Variants in ZCCHC7 observed in about 807,000 individuals in gnomAD.
ZCCHC7 encodes the protein zinc finger CCHC domain-containing protein 7.
ZCCHC7 carries 35 observed loss-of-function variants against 52.0 expected under a neutral mutation model. That is an observed-to-expected ratio of 0.67 (90% CI 0.51 to 0.89). The LOEUF is 0.89. Ranked by LOEUF, ZCCHC7 falls within the 40% of genes least tolerant of loss-of-function variation. ZCCHC7 has a pLI of 0.00. For synonymous variants in ZCCHC7, 217 were observed against 221.5 expected (o/e 0.98, Z 0.18); for missense variants, 574 against 649.1 (o/e 0.88, Z 1.26).
intron 2 of ZCCHC7, among the ~76,000 whole-genome samples, chr9:37,202,887 G>A (rs1564175906): frequency 6.6e-6 from 1 of 152,228 alleles, no homozygotes; most frequent in Non-Finnish European, 1.5e-5. Flanking sequence ...TTTTAGGAAA[G>A]TAACTTGTTT....
chr9:37,311,149 A>G (rs1829582293), intron 5 of ZCCHC7, among the ~76,000 whole-genome samples: 1 of 152,122 alleles, frequency 6.6e-6, no homozygotes. Context: ...ACTGCTCACA[A>G]GAGACCATTG....
At chr9:37,254,241 A>G (rs1398031501) in intron 2 of ZCCHC7, among the ~76,000 whole-genome samples, 3 of 152,088 alleles carry the variant, frequency 2.0e-5, no homozygotes. Flanking sequence ...ACCAACTAAC[A>G]TACTTAAGAG....
chr9:37,340,484 G>A lies in ZCCHC7; in HGVS notation c.988-8873G>A, dbSNP rs548459438. Among the ~76,000 whole-genome samples the A allele has an allele frequency of 3.3e-5, 5 of 151,438 alleles. No homozygotes were observed. The South Asian group carries it at 1.0e-3, about 32-fold the overall frequency. On this transcript the variant is annotated intron_variant, in intron 6 of 8. Coordinates refer to ENST00000336755, the MANE Select transcript of ZCCHC7 (RefSeq NM_032226.3). The stretch of plus-strand genomic sequence containing the variant: ...GGTATCCGTTGGGTCAAAGTCTTTA[G>A]ATGAAATTTTGACTTAAAAAAGTTC...
intron 5 of ZCCHC7, among the ~76,000 whole-genome samples, chr9:37,323,824 T>C (rs183838465): frequency 9.7e-4 from 148 of 152,270 alleles, no homozygotes; most frequent in Middle Eastern, 3.4e-3. Context: ...GATACAAAAA[T>C]ATTTTGTGTA....
At chr9:37,168,317 T>A (rs932505089) in intron 2 of ZCCHC7, among the ~76,000 whole-genome samples, 1 of 152,214 alleles carries the variant, frequency 6.6e-6, no homozygotes, top group African/African-American at 2.4e-5. Flanking sequence ...GGAAATCTGA[T>A]CCCTGTTAAT....
intron 2 of ZCCHC7, chr9:37,284,325 A>C (rs1828110601): frequency 6.6e-6 from 1 of 152,206 alleles, no homozygotes; most frequent in South Asian, 2.1e-4. Context: ...GTACACAAAA[A>C]CAGGTAGAAA....
chr9:37,304,207 G>T lies in ZCCHC7; in HGVS notation c.674G>T (p.Arg225Leu), dbSNP rs761303878. 5.0e-6 allele frequency: 8 copies of T among 1,609,758 alleles called. No homozygotes were observed. Among genetic ancestry groups the T allele is most frequent in the Non-Finnish European group, 8.5e-7 (1 of 1,178,396 alleles). ...CCTTAGGCCCAGATAGCTAATAACCGAACACCTGGAAGATGGACCCAGCGG... is the reference window on the plus strand; with the variant it reads ...CCTTAGGCCCAGATAGCTAATAACCTAACACCTGGAAGATGGACCCAGCGG... ...KDIEAQIANN[R>L]TPGRWTQRYY... is the part of the protein sequence containing the mutation. The change falls in exon 4 of 9, where the codon CGA (arginine) becomes CTA (leucine). Residue 225 changes from arginine (R) to leucine (L), a missense_variant. Arg to Leu is a moderately radical substitution (Grantham distance 102). Around this residue, in one of 3 missense-constraint regions of ZCCHC7, gnomAD observed 403 missense variants for 461.2 expected, o/e 0.87. Transcript: ENST00000336755.
chr9:37,148,154 TCAGAGA>T (rs1843524303), intron 2 of ZCCHC7, among the ~76,000 whole-genome samples: 1 of 152,134 alleles, frequency 6.6e-6, no homozygotes, highest in Non-Finnish European at 1.5e-5. Context: ...GCATAGATAA[TCAGAGA>T]CAGCAAATAA....
At chr9:37,252,337 A>G (rs535083462) in intron 2 of ZCCHC7, among the ~76,000 whole-genome samples, 1 of 152,320 alleles carries the variant, frequency 6.6e-6, no homozygotes. Context: ...TATGAAATCT[A>G]TCTTCAATTT....
At chr9:37,187,564 A>G (rs190688254) in intron 2 of ZCCHC7, among the ~76,000 whole-genome samples, 270 of 152,342 alleles carry the variant, frequency 1.8e-3, no homozygotes, top group Non-Finnish European at 3.2e-3. Context: ...TGACAGTATC[A>G]TGCACAGGTA....
intron 2 of ZCCHC7, among the ~76,000 whole-genome samples, chr9:37,190,854 A>AC: frequency 6.6e-6 from 1 of 152,152 alleles, no homozygotes; most frequent in East Asian, 1.9e-4. Flanking sequence ...CCCTGTCTCT[A>AC]CTAAAAAAAA....
chr9:37,291,176 CAT>C (rs764686772), intron 2 of ZCCHC7, among the ~76,000 whole-genome samples: 3 of 152,152 alleles, frequency 2.0e-5, no homozygotes, highest in Non-Finnish European at 2.9e-5. Context: ...ATTGACAAAA[CAT>C]GTTTTCACAA....
At chr9:37,162,726 C>G (rs368506377) in intron 2 of ZCCHC7, among the ~76,000 whole-genome samples, 1 of 152,132 alleles carries the variant, frequency 6.6e-6, no homozygotes, top group Non-Finnish European at 1.5e-5. Context: ...GTAAATACCT[C>G]GGAGTGGAAT....
chr9:37,341,347 G>T (rs78947593), intron 6 of ZCCHC7, among the ~76,000 whole-genome samples: 7,707 of 152,154 alleles, frequency 0.051, 631 homozygotes, highest in African/African-American at 0.17. Flanking sequence ...TTATTAACAA[G>T]AGCTAAATCA....
chr9:37,199,375 A>G (rs1823471702), intron 2 of ZCCHC7, among the ~76,000 whole-genome samples: 1 of 133,286 alleles, frequency 7.5e-6, no homozygotes, highest in African/African-American at 2.9e-5. Flanking sequence ...CTTGTTGCCC[A>G]GGCTGGAGTG....
At chr9:37,198,915 T>G (rs966364956) in intron 2 of ZCCHC7, among the ~76,000 whole-genome samples, 1 of 152,224 alleles carries the variant, frequency 6.6e-6, no homozygotes, top group Non-Finnish European at 1.5e-5. Flanking sequence ...CTTGGTGTGT[T>G]TGTCATATTT....
intron 2 of ZCCHC7, among the ~76,000 whole-genome samples, chr9:37,235,017 C>T (rs1825577493): frequency 6.6e-6 from 1 of 152,126 alleles, no homozygotes; most frequent in Non-Finnish European, 1.5e-5. Flanking sequence ...TACATGTATA[C>T]ACTGTATAAT....
At chr9:37,343,430 CTT>C (rs1246772321) in intron 6 of ZCCHC7, among the ~76,000 whole-genome samples, 2 of 152,120 alleles carry the variant, frequency 1.3e-5, no homozygotes, top group African/African-American at 4.8e-5. Context: ...TCTTTAAAAT[CTT>C]TACTATATTT....
intron 6 of ZCCHC7, among the ~76,000 whole-genome samples, chr9:37,336,204 A>T (rs540812686): frequency 6.6e-6 from 1 of 152,300 alleles, no homozygotes; most frequent in African/African-American, 2.4e-5. Context: ...TAGTGGTATA[A>T]GAGCTGGGTC....
Sources: allele counts gnomAD v4.1 joint callset (sites outside exome capture counted in the v4.1 genomes callset), GRCh38; gene constraint gnomAD v4.1.1; regional missense constraint gnomAD v4.1.1; transcripts MANE v1.5; gene names NCBI Gene and HGNC (gene_info 2026-07-23, HGNC 2026-07-21).